GALR2: variants seen among roughly 807,000 people sequenced by gnomAD.
GALR2 encodes galanin receptor type 2.
GALR2 carries 5 observed loss-of-function variants against 7.2 expected under a neutral mutation model. The observed-to-expected ratio is 0.69, with a 90% CI of 0.36 to 1.45. GALR2 has a LOEUF of 1.45. Ranked by LOEUF, GALR2 falls within the 40% of genes most tolerant of loss-of-function variation. The pLI is 0.03. For missense variants in GALR2, 561 were observed against 555.7 expected (o/e 1.01, Z -0.10); for synonymous variants, 300 against 263.9 (o/e 1.14, Z -1.32).
Position 76,077,431 on chromosome 17 carries a change from A to C in GALR2, c.1164A>C (p.Ter388CysextTer?). ...GCATCCTGACGGTTGATGTGGCCTG[A>C]AAGCACTTAGCGGGCGCGCTGGGAT... ...GDSILTVDVA* is the reference protein window; with the variant it reads ...GDSILTVDVAC The change falls in exon 2 of 2, where the codon TGA becomes TGC. Residue 388 changes from the stop codon to cysteine (C), a stop_lost. Transcript: ENST00000329003. The C allele has an allele frequency of 6.9e-7, 1 of 1,446,620 alleles. No homozygotes were observed. The highest frequency in any genetic ancestry group is 9.0e-7 in the Non-Finnish European group (1 of 1,105,636). The allele number at this position is 1,446,620 out of a possible 1,614,324, so 89.6% of individuals were successfully genotyped here.
Position 76,074,836 on chromosome 17 carries a change from G to T in GALR2, c.-48G>T. 7 of 1,448,574 alleles carry T rather than the reference G, an allele frequency of 4.8e-6. No homozygotes were observed. The highest frequency in any genetic ancestry group is 5.4e-6 in the Non-Finnish European group (6 of 1,106,628). 89.7% of individuals were successfully genotyped at this position (1,448,574 alleles called of 1,614,324 possible). On this transcript the variant is annotated 5_prime_UTR_variant, in exon 1 of 2. Coordinates refer to ENST00000329003, the MANE Select transcript of GALR2 (RefSeq NM_003857.4). The surrounding 1 kb of genome is among the most constrained non-coding windows in gnomAD (Gnocchi z 6.7). ...GCCCCGGGAGCTTCCCGCTCGCGGA[G>T]ACCCAGACGGCTGCAGGAGCCCGGG...
upstream of GALR2, chr17:76,072,310 T>C: frequency 6.2e-7 from 1 of 1,612,076 alleles, no homozygotes; most frequent in Non-Finnish European, 8.5e-7. This position sits in a 1 kb window ranked among gnomAD's most constrained non-coding sequence, Gnocchi z 4.5. Context: ...TAGGATACTC[T>C]CCAAACTCAG....
At chr17:76,073,002 G>A (rs1004247584), upstream of GALR2, among the ~76,000 whole-genome samples, 2 of 152,236 alleles carry the variant, frequency 1.3e-5, no homozygotes, top group Non-Finnish European at 2.9e-5. Flanking sequence ...CGGAGGAAGC[G>A]CTGCGCAGTC....
Position 76,076,520 on chromosome 17 carries a change from A to G in GALR2, c.369-116A>G, listed in dbSNP as rs939199055. 43 of 665,268 alleles carry G rather than the reference A, an allele frequency of 6.5e-5. No individual in the cohort carries two copies. The highest frequency in any genetic ancestry group is 2.9e-5 in the Admixed American group (1 of 34,670). 41.2% of individuals were successfully genotyped at this position (665,268 alleles called of 1,614,324 possible). ...CCCCACCTCCTCTGTGTGCGGTGTA[A>G]CCATGCGCTAAGGACCTTCCTCGAG... On this transcript the variant is annotated intron_variant, in intron 1 of 1. Transcript: ENST00000329003. The surrounding 1 kb of genome is among the most constrained non-coding windows in gnomAD (Gnocchi z 6.5).
chr17:76,072,345 C>G, upstream of GALR2: 1 of 1,612,718 alleles, frequency 6.2e-7, no homozygotes, highest in Non-Finnish European at 8.5e-7. This position sits in a 1 kb window ranked among gnomAD's most constrained non-coding sequence, Gnocchi z 4.5. Flanking sequence ...CTTTGTTTGC[C>G]TTCGATCCGG....
upstream of GALR2, chr17:76,072,237 G>A: frequency 6.3e-7 from 1 of 1,596,768 alleles, no homozygotes; most frequent in South Asian, 1.1e-5. The surrounding 1 kb of genome is among the most constrained non-coding windows in gnomAD (Gnocchi z 4.5). Flanking sequence ...GGGACCCGCC[G>A]CCTCTCCCGC....
chr17:76,072,342 T>C (rs779407105), upstream of GALR2: 1 of 1,612,704 alleles, frequency 6.2e-7, no homozygotes, highest in African/African-American at 1.3e-5. This position sits in a 1 kb window ranked among gnomAD's most constrained non-coding sequence, Gnocchi z 4.5. Flanking sequence ...ATTCTTTGTT[T>C]GCCTTCGATC....
At chr17:76,072,471 G>A (rs748737249), upstream of GALR2, 6 of 1,581,938 alleles carry the variant, frequency 3.8e-6, no homozygotes, top group African/African-American at 4.0e-5. This position sits in a 1 kb window ranked among gnomAD's most constrained non-coding sequence, Gnocchi z 4.5. Flanking sequence ...CGCCGCCTGG[G>A]ACCTGCTTCT....
rs775115025 is a variant in GALR2 at position 76,076,650 on chromosome 17, G to A, written c.383G>A (p.Arg128His). The change falls in exon 2 of 2, where the codon CGC becomes CAC. Residue 128 changes from arginine to histidine, a missense_variant. By Grantham distance (29) the Arg-to-His change is conservative. Transcript: ENST00000329003. The surrounding 1 kb of genome is among the most constrained non-coding windows in gnomAD (Gnocchi z 6.5). ...TCTGACCGCAGGTATCTGGCCATCC[G>A]CTACCCGCTGCACTCCCGCGAGCTG... ...AVSLDRYLAI[R>H]YPLHSRELRT... The A allele has an allele frequency of 2.5e-6, 4 of 1,585,152 alleles. No individual in the cohort carries two copies. The highest frequency in any genetic ancestry group is 1.7e-5 in the Admixed American group (1 of 59,102).
At position 76,076,927 on chromosome 17, in the gene GALR2, G is replaced by T; in HGVS notation, c.660G>T (p.Pro220=). Residue 220 remains proline, a synonymous_variant, in exon 2 of 2, where the codon CCG becomes CCT. Transcript: ENST00000329003. This position sits in a 1 kb window ranked among gnomAD's most constrained non-coding sequence, Gnocchi z 6.5. ...GCTACCTCTGGCGCGCCGTCGACCC[G>T]GTGGCCGCGGGCTCGGGTGCCCGGC... ...TLRYLWRAVD[P]VAAGSGARRA... The T allele has an allele frequency of 6.2e-7, 1 of 1,601,910 alleles. No individual in the cohort carries two copies. The highest frequency in any genetic ancestry group is 1.3e-5 in the African/African-American group (1 of 74,942).
chr17:76,072,620 C>G (rs1598274033), upstream of GALR2: 2 of 1,453,254 alleles, frequency 1.4e-6, no homozygotes. This position sits in a 1 kb window ranked among gnomAD's most constrained non-coding sequence, Gnocchi z 4.5. Context: ...CTTGCTGCAG[C>G]AGGGCGCCAT....
chr17:76,075,136 A>G lies in GALR2; in HGVS notation c.253A>G (p.Ile85Val), dbSNP rs772801215. 5.0e-6 allele frequency: 8 copies of G among 1,612,594 alleles called. No individual in the cohort carries two copies. In the East Asian group the frequency reaches 1.6e-4, roughly 31 times the overall value. The change falls in exon 1 of 2, where the codon ATC (isoleucine) becomes GTC (valine). Residue 85 changes from isoleucine (I) to valine (V), a missense_variant. Physicochemically the swap from Ile to Val is conservative, Grantham distance 29. Transcript: ENST00000329003. This position sits in a 1 kb window ranked among gnomAD's most constrained non-coding sequence, Gnocchi z 5.9. ...ILCCVPFQATIYTLDGWVFGS... is the reference protein window; with the variant it reads ...ILCCVPFQATVYTLDGWVFGS... ...GTGCTGCGTGCCCTTCCAGGCCACC[A>G]TCTACACCCTGGACGGCTGGGTGTT...
chr17:76,075,292 C>T lies in GALR2; in HGVS notation c.368+41C>T. 1.3e-6 allele frequency: 2 copies of T among 1,568,652 alleles called. No individual in the cohort carries two copies. The highest frequency in any genetic ancestry group is 1.2e-5 in the South Asian group (1 of 86,364). On this transcript the variant is annotated intron_variant, in intron 1 of 1. Coordinates refer to ENST00000329003, the MANE Select transcript of GALR2 (RefSeq NM_003857.4). The surrounding 1 kb of genome is among the most constrained non-coding windows in gnomAD (Gnocchi z 5.9). ...GGCCTCCCTGGGAGATGGGCATCCACGCGGGGGATGGAGCGGGAGGCGGGA... is the reference window on the plus strand; with the variant it reads ...GGCCTCCCTGGGAGATGGGCATCCATGCGGGGGATGGAGCGGGAGGCGGGA...
At position 76,075,214 on chromosome 17, in the gene GALR2, G is replaced by T. The variant is rs752548430; in HGVS notation, c.331G>T (p.Ala111Ser). Residue 111 changes from alanine (A) to serine (S), a missense_variant, in exon 1 of 2, where the codon GCC (alanine) becomes TCC (serine). Ala to Ser is a moderately conservative substitution (Grantham distance 99). Transcript: ENST00000329003. The surrounding 1 kb of genome is among the most constrained non-coding windows in gnomAD (Gnocchi z 5.9). ...VHFLIFLTMHASSFTLAAVSL... is the reference protein window; with the variant it reads ...VHFLIFLTMHSSSFTLAAVSL... ...CTTCCTCATCTTCCTCACCATGCAC[G>T]CCAGCAGCTTCACGCTGGCCGCCGT... The T allele has an allele frequency of 5.0e-6, 8 of 1,607,624 alleles. No homozygotes were observed. Among genetic ancestry groups the T allele is most frequent in the South Asian group, 1.1e-5 (1 of 91,034 alleles).
chr17:76,072,428 T>TGCCACCGCCGCC, upstream of GALR2: 1 of 1,585,616 alleles, frequency 6.3e-7, no homozygotes, highest in Admixed American at 1.7e-5. This position sits in a 1 kb window ranked among gnomAD's most constrained non-coding sequence, Gnocchi z 4.5. Flanking sequence ...CCGCCGCCAC[T>TGCCACCGCCGCC]GCCACCGCCG....
chr17:76,074,759 C>A, upstream of GALR2: 2 of 1,078,426 alleles, frequency 1.9e-6, no homozygotes, highest in Non-Finnish European at 2.6e-6. This position sits in a 1 kb window ranked among gnomAD's most constrained non-coding sequence, Gnocchi z 6.7. Context: ...TGAGGCAAGG[C>A]TCCCTCCGCC....
Position 76,075,506 on chromosome 17 carries a change from A to G in GALR2, c.368+255A>G, listed in dbSNP as rs2066884476. ...GCGCCGCCCGTGCCTGACAACGCGC[A>G]GCGTTTCCCAGTACGACGCGTTTGT... On this transcript the variant is annotated intron_variant, in intron 1 of 1. Coordinates refer to ENST00000329003, the MANE Select transcript of GALR2 (RefSeq NM_003857.4). The surrounding 1 kb of genome is among the most constrained non-coding windows in gnomAD (Gnocchi z 5.9). Among the ~76,000 whole-genome samples the G allele has an allele frequency of 6.6e-6, 1 of 152,256 alleles. No homozygotes were observed. The highest frequency in any genetic ancestry group is 2.1e-4 in the South Asian group (1 of 4,838).
At position 76,077,131 on chromosome 17, in the gene GALR2, C is replaced by T. The variant is rs1250774227; in HGVS notation, c.864C>T (p.Asn288=). The change falls in exon 2 of 2, where the codon AAC becomes AAT. Residue 288 remains asparagine (N), a synonymous_variant. Transcript: ENST00000329003. The part of the protein sequence containing the change: ...HLVSYANSCV[N]PIVYALVSKH... ...TCTCCTACGCCAACTCCTGCGTCAA[C>T]CCCATCGTTTACGCGCTGGTCTCCA... 1 of 1,612,966 alleles carries T rather than the reference C, an allele frequency of 6.2e-7. No individual in the cohort carries two copies. Among genetic ancestry groups the T allele is most frequent in the Non-Finnish European group, 8.5e-7 (1 of 1,179,876 alleles).
upstream of GALR2, chr17:76,072,071 T>C: frequency 2.8e-6 from 2 of 720,848 alleles, no homozygotes; most frequent in Non-Finnish European, 4.4e-6. The surrounding 1 kb of genome is among the most constrained non-coding windows in gnomAD (Gnocchi z 4.5). Flanking sequence ...ACCTGCCTGA[T>C]ATCCCAGTGC....
Sources: gnomAD v4.1 joint callset for allele counts (sites outside exome capture counted in the v4.1 genomes callset) on GRCh38, gnomAD v4.1.1 for gene constraint, Gnocchi (gnomAD v3.1) non-coding constraint, MANE v1.5 for transcripts, NCBI Gene and HGNC (gene_info 2026-07-23, HGNC 2026-07-21) for gene names.